SH3TC2: variants seen among roughly 807,000 people sequenced by gnomAD.
The protein encoded by SH3TC2 is SH3 domain and tetratricopeptide repeats 2.
In SH3TC2, 87 loss-of-function variants were observed where a neutral mutation model predicts 124.5. The observed-to-expected ratio is 0.70, with a 90% CI of 0.59 to 0.84. The LOEUF (loss-of-function observed/expected upper bound fraction) is 0.84. Ranked by LOEUF, SH3TC2 falls within the 40% of genes least tolerant of loss-of-function variation. The pLI, the probability that SH3TC2 is intolerant of heterozygous loss-of-function variation, is 0.00. For missense variants in SH3TC2, 1,536 were observed against 1,566.4 expected, an observed-to-expected ratio of 0.98 and a Z score of 0.33; for synonymous variants, 634 against 628.5, an observed-to-expected ratio of 1.01 and a Z score of -0.13.
In SH3TC2 at chr5:149,045,862, G is replaced by T. The variant is rs145686462; in HGVS notation, c.280-1224C>A. Reference sequence around the variant, plus strand: ...GGGTTTCACCATGTTGGCCAGGATGGTCTCGATCTCTTGACCTCATGATCC... The same window carrying T: ...GGGTTTCACCATGTTGGCCAGGATGTTCTCGATCTCTTGACCTCATGATCC... On this transcript the variant is annotated intron_variant, in intron 3 of 16. Coordinates refer to ENST00000515425, the MANE Select transcript of SH3TC2 (RefSeq NM_024577.4). 6.9e-3 allele frequency: 1,764 copies of T among 254,876 alleles called. 47 individuals carry two copies. The highest frequency in any genetic ancestry group is 0.04 in the African/African-American group (1,668 of 41,732). The allele number at this position is 254,876 out of a possible 1,614,324, so 15.8% of individuals were successfully genotyped here.
In SH3TC2 at chr5:149,004,373, G is replaced by C. The variant is rs970890575; in HGVS notation, c.*338C>G. On this transcript the variant is annotated 3_prime_UTR_variant, in exon 17 of 17. Transcript: ENST00000515425. ...AGTGCAGTGACTGATTTCCTCATTG[G>C]GGGAGGAAGGAAGGCTCCTGGAGGG... 8 of 294,802 alleles carry C rather than the reference G, an allele frequency of 2.7e-5. No individual in the cohort carries two copies. Among genetic ancestry groups the C allele is most frequent in the African/African-American group, 1.7e-4 (8 of 46,746 alleles). The allele number at this position is 294,802 out of a possible 1,614,324, so 18.3% of individuals were successfully genotyped here.
At chr5:149,022,006 C>CGG (rs1753982569) in intron 12 of SH3TC2, among the ~76,000 whole-genome samples, 1 of 37,210 alleles carries the variant, frequency 2.7e-5, no homozygotes, top group Non-Finnish European at 4.3e-5. Flanking sequence ...CTCCGCCTCC[C>CGG]GGGTTCACGC....
Position 148,998,126 on chromosome 5 carries a change from TA to T in SH3TC2, c.*6584del, listed in dbSNP as rs869089753. Among the ~76,000 whole-genome samples the T allele has an allele frequency of 1.3e-5, 2 of 152,168 alleles. No homozygotes were observed. The highest frequency in any genetic ancestry group is 4.8e-5 in the African/African-American group (2 of 41,438). ...TTTTTTAACTAGAATAGAATGTTTT[TA>T]AAAATGAATAGAACAAAACAGAATG... On this transcript the variant is annotated 3_prime_UTR_variant, in exon 17 of 17. Coordinates refer to ENST00000515425, the MANE Select transcript of SH3TC2 (RefSeq NM_024577.4).
At chr5:149,026,054 T>A (rs1389349620) in intron 12 of SH3TC2, 1 of 154,540 alleles carries the variant, frequency 6.5e-6, no homozygotes, top group East Asian at 1.9e-4. Context: ...TAAAACTTTT[T>A]TTTACCATGA....
chr5:149,031,351 C>T (rs1283326408), intron 9 of SH3TC2, among the ~76,000 whole-genome samples: 1 of 152,124 alleles, frequency 6.6e-6, no homozygotes, highest in Non-Finnish European at 1.5e-5. Context: ...TCTCATAGTT[C>T]CCCTGAAACC....
chr5:149,008,749 C>G (rs1753732991), intron 15 of SH3TC2, 102 bp downstream of exon 15: 3 of 1,532,286 alleles, frequency 2.0e-6, no homozygotes, highest in East Asian at 4.5e-5. Flanking sequence ...GGATTTGAAC[C>G]CACACAGTCT....
At chr5:149,023,471 C>T (rs1047314626) in intron 12 of SH3TC2, among the ~76,000 whole-genome samples, 1 of 151,460 alleles carries the variant, frequency 6.6e-6, no homozygotes, top group Non-Finnish European at 1.5e-5. Context: ...TGAAATATTC[C>T]TTGATGGGTA....
At position 149,006,897 on chromosome 5, in the gene SH3TC2, G is replaced by A. The variant is rs2127391960; in HGVS notation, c.3659C>T (p.Thr1220Ile). 1.2e-6 allele frequency: 2 copies of A among 1,613,828 alleles called. No homozygotes were observed. The highest frequency in any genetic ancestry group is 8.5e-7 in the Non-Finnish European group (1 of 1,179,984). ...AKVYYRLGRL[T>I]FCQLKDAHDA... Reference sequence around the variant, plus strand: ...GGCTCTTACCTTCAGCTGGCAGAAGGTGAGTCTGCCCAGGCGATAATACAC... The same window carrying A: ...GGCTCTTACCTTCAGCTGGCAGAAGATGAGTCTGCCCAGGCGATAATACAC... Residue 1220 changes from threonine to isoleucine, a missense_variant, in exon 16 of 17, where the codon ACC (threonine) becomes ATC (isoleucine). By Grantham distance (89) the Thr-to-Ile change is moderately conservative (BLOSUM62 -1). Coordinates refer to ENST00000515425, the MANE Select transcript of SH3TC2 (RefSeq NM_024577.4).
chr5:148,985,238 T>A lies in SH3TC2; in HGVS notation c.*19473A>T, dbSNP rs1753314395. On this transcript the variant is annotated 3_prime_UTR_variant, in exon 17 of 17. Coordinates refer to ENST00000515425, the MANE Select transcript of SH3TC2 (RefSeq NM_024577.4). Reference sequence around the variant, plus strand: ...ATTTGAGGGTACCCTGTTATGAAGGTATAATTTATATATAATAAAATTCAT... The same window carrying A: ...ATTTGAGGGTACCCTGTTATGAAGGAATAATTTATATATAATAAAATTCAT... Among the ~76,000 whole-genome samples, 1 of 152,188 alleles carries A rather than the reference T, an allele frequency of 6.6e-6. No individual in the cohort carries two copies. Among genetic ancestry groups the A allele is most frequent in the African/African-American group, 2.4e-5 (1 of 41,462 alleles).
intron 16 of SH3TC2, among the ~76,000 whole-genome samples, chr5:149,005,773 G>A (rs1753677571): frequency 6.6e-6 from 1 of 152,184 alleles, no homozygotes; most frequent in South Asian, 2.1e-4. Flanking sequence ...GAAAAGGACA[G>A]CAGAGCTGCC....
intron 12 of SH3TC2, among the ~76,000 whole-genome samples, chr5:149,023,461 T>G (rs927830173): frequency 6.6e-6 from 1 of 152,048 alleles, no homozygotes; most frequent in African/African-American, 2.4e-5. Context: ...TTAAAATGCA[T>G]GAAATATTCC....
intron 7 of SH3TC2, among the ~76,000 whole-genome samples, chr5:149,039,880 A>G (rs543294442): frequency 1.4e-5 from 2 of 143,476 alleles, no homozygotes; most frequent in South Asian, 2.2e-4. Flanking sequence ...GGGTTCCATA[A>G]TCCTATTTCT....
intron 2 of SH3TC2, 127 bp from the exon 3 acceptor site, chr5:149,048,116 G>A: frequency 7.5e-7 from 1 of 1,335,282 alleles, no homozygotes. Context: ...ATTAGTTACA[G>A]ATTAGAGTGG....
chr5:149,039,989 A>G (rs145734676), intron 7 of SH3TC2, among the ~76,000 whole-genome samples: 2 of 152,338 alleles, frequency 1.3e-5, no homozygotes, highest in East Asian at 3.9e-4. Context: ...GAAGATGAAC[A>G]GAAGGTATTT....
Position 148,991,674 on chromosome 5 carries a change from C to G in SH3TC2, c.*13037G>C, listed in dbSNP as rs769382913. On this transcript the variant is annotated 3_prime_UTR_variant, in exon 17 of 17. Transcript: ENST00000515425. ...GGCCAGTCAGCTGGGGTCACAAAAG[C>G]CTTGTAATTAGAATCAGTGTGACTA... is the stretch of plus-strand genomic sequence containing the variant. Among the ~76,000 whole-genome samples the G allele has an allele frequency of 6.6e-6, 1 of 152,150 alleles. No individual in the cohort carries two copies. Among genetic ancestry groups the G allele is most frequent in the South Asian group, 2.1e-4 (1 of 4,828 alleles).
intron 12 of SH3TC2, chr5:149,026,244 A>G (rs75381577): frequency 0.03 from 10,323 of 340,578 alleles, 569 homozygotes; most frequent in Admixed American, 0.18. Flanking sequence ...CAGTGGCATT[A>G]CTGAGACCTA....
intron 12 of SH3TC2, among the ~76,000 whole-genome samples, chr5:149,013,563 T>C (rs1469315896): frequency 6.6e-6 from 1 of 152,226 alleles, no homozygotes; most frequent in Non-Finnish European, 1.5e-5. Flanking sequence ...GTGGTAACTT[T>C]AAATCATCGA....
At chr5:149,061,570 T>C (rs1339611482) in intron 1 of SH3TC2, among the ~76,000 whole-genome samples, 1 of 152,152 alleles carries the variant, frequency 6.6e-6, no homozygotes, top group Non-Finnish European at 1.5e-5. Flanking sequence ...AATCATGTCA[T>C]AAAAGCTACA....
At chr5:149,044,454 C>T (rs777775016) in intron 4 of SH3TC2, 79 bp downstream of exon 4, 5 of 1,085,524 alleles carry the variant, frequency 4.6e-6, no homozygotes, top group Non-Finnish European at 7.1e-6. Flanking sequence ...AGAGCCAGGC[C>T]AATTCCTTCA....
Sources: allele counts gnomAD v4.1 joint callset (sites outside exome capture counted in the v4.1 genomes callset), GRCh38; gene constraint gnomAD v4.1.1; transcripts MANE v1.5; gene names NCBI Gene and HGNC (gene_info 2026-07-23, HGNC 2026-07-21).